Variants in APLF observed in about 807,000 individuals in gnomAD.
APLF encodes aprataxin and PNKP like factor, also known as aprataxin and PNK-like factor.
APLF carries 61 observed loss-of-function variants against 55.6 expected under a neutral mutation model. That is an observed-to-expected ratio of 1.10 (90% CI 0.89 to 1.36). The LOEUF is 1.36. Among genes scored for constraint, APLF ranks in the 40% most tolerant of loss-of-function variants. The pLI, the probability that APLF is intolerant of heterozygous loss-of-function variation, is 0.00. For missense variants in APLF, 611 were observed against 602.5 expected (o/e 1.01, Z -0.15); for synonymous variants, 207 against 214.8 (o/e 0.96, Z 0.32).
chr2:68,468,107 C>T (rs1269789824), intron 1 of APLF, among the ~76,000 whole-genome samples: 1 of 152,228 alleles, frequency 6.6e-6, no homozygotes, highest in Non-Finnish European at 1.5e-5. Flanking sequence ...TGTATGGCCC[C>T]ATGAACTAAG....
rs777259004 is a variant in APLF at position 68,513,135 on chromosome 2, G to A, written c.397G>A (p.Val133Met). Residue 133 changes from valine to methionine, a missense_variant, in exon 4 of 10, where the codon GTG becomes ATG. Physicochemically the swap from Val to Met is conservative, Grantham distance 21 (BLOSUM62 1). Transcript: ENST00000303795. ...ATTGAATGAAACACCAAAATCCCCCGTGATTAATTTACCTCATGAGACTAC... is the reference window on the plus strand; with the variant it reads ...ATTGAATGAAACACCAAAATCCCCCATGATTAATTTACCTCATGAGACTAC... The part of the protein sequence containing the change: ...NILNETPKSP[V>M]INLPHETTGA... 15 of 1,611,106 alleles carry A rather than the reference G, an allele frequency of 9.3e-6. No homozygotes were observed. The highest frequency in any genetic ancestry group is 1.6e-4 in the Middle Eastern group (1 of 6,068).
At chr2:68,517,252 TA>T (rs1191389231) in intron 5 of APLF, among the ~76,000 whole-genome samples, 2 of 76,608 alleles carry the variant, frequency 2.6e-5, no homozygotes, top group African/African-American at 1.4e-4. Context: ...CATTACTATA[TA>T]ATATATTAAT....
At chr2:68,571,820 T>G (rs913112553) in intron 9 of APLF, among the ~76,000 whole-genome samples, 5 of 152,198 alleles carry the variant, frequency 3.3e-5, no homozygotes, top group Non-Finnish European at 5.9e-5. Flanking sequence ...TTTTCCCAAT[T>G]CTGAAGAATT....
chr2:68,480,000 CTTA>C (rs1240446901), intron 1 of APLF, among the ~76,000 whole-genome samples: 4 of 152,084 alleles, frequency 2.6e-5, no homozygotes, highest in African/African-American at 7.2e-5. Context: ...TTTTCTCTAG[CTTA>C]TTATAAGAAT....
chr2:68,485,071 A>G (rs1379810612), intron 1 of APLF, among the ~76,000 whole-genome samples: 4 of 152,110 alleles, frequency 2.6e-5, no homozygotes, highest in Admixed American at 2.6e-4. Flanking sequence ...GTGTCACCTA[A>G]GAACAAGGAC....
At chr2:68,536,119 C>G (rs952339108) in intron 6 of APLF, among the ~76,000 whole-genome samples, 2 of 152,142 alleles carry the variant, frequency 1.3e-5, no homozygotes, top group African/African-American at 2.4e-5. Context: ...GTTCCAGTTG[C>G]TGGTACAGAC....
intron 6 of APLF, among the ~76,000 whole-genome samples, chr2:68,527,957 C>T (rs1049990717): frequency 4.6e-5 from 7 of 150,812 alleles, no homozygotes; most frequent in African/African-American, 9.8e-5. Flanking sequence ...CGGGCAGAGG[C>T]GCCCTTCACT....
chr2:68,493,940 C>G (rs1269758714), intron 2 of APLF, among the ~76,000 whole-genome samples: 1 of 152,018 alleles, frequency 6.6e-6, no homozygotes, highest in African/African-American at 2.4e-5. Flanking sequence ...AACCCCGTCT[C>G]TACTAAAAAT....
intron 3 of APLF, among the ~76,000 whole-genome samples, chr2:68,506,422 T>C (rs1676874570): frequency 6.6e-6 from 1 of 151,774 alleles, no homozygotes. Context: ...GAAATACACT[T>C]CTAGACGTTT....
chr2:68,519,993 T>G (rs940049026), intron 5 of APLF, among the ~76,000 whole-genome samples: 5 of 151,936 alleles, frequency 3.3e-5, no homozygotes, highest in African/African-American at 1.2e-4. Context: ...GTTTTTGATT[T>G]TTAAATTATG....
At chr2:68,552,286 T>C (rs1670889822) in intron 8 of APLF, among the ~76,000 whole-genome samples, 1 of 152,112 alleles carries the variant, frequency 6.6e-6, no homozygotes, top group Admixed American at 6.6e-5. Flanking sequence ...TCAACAAATA[T>C]TTCTTGGGAA....
chr2:68,504,999 G>GT (rs1676832887), intron 3 of APLF, among the ~76,000 whole-genome samples: 1 of 151,986 alleles, frequency 6.6e-6, no homozygotes, highest in Admixed American at 6.6e-5. Context: ...GATTATGTGG[G>GT]TGTACGCATT....
intron 5 of APLF, among the ~76,000 whole-genome samples, chr2:68,525,456 CTAGA>C (rs1445705651): frequency 6.6e-6 from 1 of 152,128 alleles, no homozygotes; most frequent in Non-Finnish European, 1.5e-5. Flanking sequence ...AGGTACTCTG[CTAGA>C]TAGTTTACAT....
chr2:68,527,799 C>T (rs1670115773), intron 6 of APLF, among the ~76,000 whole-genome samples: 1 of 150,692 alleles, frequency 6.6e-6, no homozygotes, highest in African/African-American at 2.5e-5. Flanking sequence ...GGCAGAGGCG[C>T]TCCTCACTGC....
intron 3 of APLF, among the ~76,000 whole-genome samples, chr2:68,508,183 A>T (rs1031875397): frequency 2.6e-5 from 4 of 151,890 alleles, no homozygotes; most frequent in African/African-American, 7.2e-5. Context: ...AAAAGAAAAG[A>T]GTTGGAGGGT....
At chr2:68,567,948 C>G (rs572175441) in intron 9 of APLF, among the ~76,000 whole-genome samples, 3 of 152,080 alleles carry the variant, frequency 2.0e-5, no homozygotes, top group Admixed American at 1.3e-4. Flanking sequence ...CTTTTTATTA[C>G]TGGATTAGAT....
chr2:68,513,481 A>G, intron 4 of APLF, 67 bp from the exon 5 acceptor site: 1 of 1,547,492 alleles, frequency 6.5e-7, no homozygotes, highest in Non-Finnish European at 8.8e-7. Context: ...TATTCTGCAA[A>G]GCAGATATTT....
rs369554606 is a variant in APLF at position 68,543,768 on chromosome 2, C to T, written c.1161-1419C>T. Reference sequence around the variant, plus strand: ...TGCTATTACTACATGGTATTGAAAACGTACTTACTGCTACATGTAACAACA... The same window carrying T: ...TGCTATTACTACATGGTATTGAAAATGTACTTACTGCTACATGTAACAACA... On this transcript the variant is annotated intron_variant, in intron 7 of 9. Coordinates refer to ENST00000303795, the MANE Select transcript of APLF (RefSeq NM_173545.3). Among the ~76,000 whole-genome samples the T allele has an allele frequency of 1.1e-4, 17 of 152,108 alleles. No individual in the cohort carries two copies. In the South Asian group the frequency reaches 2.5e-3, roughly 22 times the overall value.
chr2:68,548,278 C>A (rs1419139510), intron 8 of APLF, among the ~76,000 whole-genome samples: 1 of 151,734 alleles, frequency 6.6e-6, no homozygotes, highest in African/African-American at 2.4e-5. Context: ...TGTTTTTAAT[C>A]CATCAGTACA....
Sources: gnomAD v4.1 joint callset for allele counts (sites outside exome capture counted in the v4.1 genomes callset) on GRCh38, gnomAD v4.1.1 for gene constraint, MANE v1.5 for transcripts, NCBI Gene and HGNC (gene_info 2026-07-23, HGNC 2026-07-21) for gene names.